Variants in PNPLA6 observed in about 807,000 individuals in gnomAD.
PNPLA6 encodes patatin-like phospholipase domain-containing protein 6.
PNPLA6 carries 105 observed loss-of-function variants against 153.7 expected under a neutral mutation model. The observed-to-expected ratio is 0.68, with a 90% CI of 0.58 to 0.80. PNPLA6 has a LOEUF of 0.80. Ranked by LOEUF, PNPLA6 falls within the 30% of genes least tolerant of loss-of-function variation. The pLI is 0.00. For synonymous variants in PNPLA6, 825 were observed against 822.2 expected, an observed-to-expected ratio of 1.00 and a Z score of -0.06; for missense variants, 1,423 against 1,919.3, an observed-to-expected ratio of 0.74 and a Z score of 4.83.
chr19:7,556,589 T>G lies in PNPLA6; in HGVS notation c.3210+20T>G, dbSNP rs45505598. The stretch of plus-strand genomic sequence containing the variant: ...ATTGAGGTAGGCCCACCTCATCCCC[T>G]GCCCTGCCTACCCCTCCCCGGAGGA... On this transcript the variant is annotated intron_variant, in intron 25 of 31. Coordinates refer to ENST00000600737, the MANE Select transcript of PNPLA6 (RefSeq NM_001166114.2). 217,592 of 1,585,000 alleles carry G rather than the reference T, an allele frequency of 0.14. 16,320 individuals carry two copies. The highest frequency in any genetic ancestry group is 0.24 in the African/African-American group (18,013 of 74,312).
Position 7,541,061 on chromosome 19 carries a change from C to A in PNPLA6, c.924+10C>A, listed in dbSNP as rs368958715. 7.5e-5 allele frequency: 120 copies of A among 1,606,516 alleles called. No individual in the cohort carries two copies. In the African/African-American group the frequency reaches 1.3e-3, roughly 18 times the overall value. ...GGTGCGGGTCGTGCAGGTCAGTGGG[C>A]CTTCGCCTCCTGTCACCCCCTGAGG... On this transcript the variant is annotated intron_variant, in intron 7 of 31. Transcript: ENST00000600737. This position sits in a 1 kb window ranked among gnomAD's most constrained non-coding sequence, Gnocchi z 5.2.
chr19:7,535,735 C>A lies in PNPLA6; in HGVS notation c.-54C>A, dbSNP rs1363624721. 7 of 1,519,122 alleles carry A rather than the reference C, an allele frequency of 4.6e-6. No homozygotes were observed. Among genetic ancestry groups the A allele is most frequent in the Non-Finnish European group, 6.2e-6 (7 of 1,133,458 alleles). 94.1% of individuals were successfully genotyped at this position (1,519,122 alleles called of 1,614,324 possible). A position where few individuals can be genotyped will look rare whatever the true frequency, so the allele number is the denominator to read the frequency against. On this transcript the variant is annotated 5_prime_UTR_variant, in exon 1 of 32. Transcript: ENST00000600737. The surrounding 1 kb of genome is among the most constrained non-coding windows in gnomAD (Gnocchi z 5.0). ...CCGGCATGCACTGCGGGCCGCCGGGCCTCAGGGAAGAGTCGCGCCCCCGGG... is the reference window on the plus strand; with the variant it reads ...CCGGCATGCACTGCGGGCCGCCGGGACTCAGGGAAGAGTCGCGCCCCCGGG...
chr19:7,541,806 T>C lies in PNPLA6; in HGVS notation c.1168+122T>C, dbSNP rs1006338345. Reference sequence around the variant, plus strand: ...CTTGTCCAGCCCCACAGGGACTCCATAGCGGGGTACCCAGGTCTGACTCCT... The same window carrying C: ...CTTGTCCAGCCCCACAGGGACTCCACAGCGGGGTACCCAGGTCTGACTCCT... On this transcript the variant is annotated intron_variant, in intron 9 of 31. Coordinates refer to ENST00000600737, the MANE Select transcript of PNPLA6 (RefSeq NM_001166114.2). This position sits in a 1 kb window ranked among gnomAD's most constrained non-coding sequence, Gnocchi z 5.2. The C allele has an allele frequency of 5.7e-6, 7 of 1,218,652 alleles. No homozygotes were observed. The highest frequency in any genetic ancestry group is 7.0e-6 in the Non-Finnish European group (6 of 858,292). 75.5% of individuals were successfully genotyped at this position (1,218,652 alleles called of 1,614,324 possible).
At chr19:7,554,428 G>A (rs1380192596) in intron 20 of PNPLA6, 127 bp from the exon 21 acceptor site, 21 of 1,279,568 alleles carry the variant, frequency 1.6e-5, no homozygotes, top group Non-Finnish European at 2.0e-5. Context: ...TCTGCCCACC[G>A]GAGCACGGAC....
At chr19:7,560,788 C>A in intron 29 of PNPLA6, 24 bp downstream of exon 29, 1 of 1,398,344 alleles carries the variant, frequency 7.2e-7, no homozygotes, top group Non-Finnish European at 1.0e-6. Context: ...GCCCCCAGGG[C>A]CACTCTGACT....
intron 3 of PNPLA6, among the ~76,000 whole-genome samples, chr19:7,537,220 C>A (rs186873057): frequency 6.6e-6 from 1 of 152,194 alleles, no homozygotes; most frequent in African/African-American, 2.4e-5. Flanking sequence ...GGTTTTCTTC[C>A]AGGGTACCTC....
rs1318656059 is a variant in PNPLA6, at chr19:7,561,688, A to G, written c.*126A>G. On this transcript the variant is annotated 3_prime_UTR_variant, in exon 32 of 32. Transcript: ENST00000600737. ...CCCCCGCGGCCCACACACTGGACTG[A>G]CCTGCCCTGAGCGGGGATGCAGTGT... The G allele has an allele frequency of 2.7e-6, 2 of 728,142 alleles. No individual in the cohort carries two copies. Among genetic ancestry groups the G allele is most frequent in the Admixed American group, 4.0e-5 (2 of 50,024 alleles). 45.1% of individuals were successfully genotyped at this position (728,142 alleles called of 1,614,324 possible).
At chr19:7,546,934 TC>T (rs1432557659) in intron 13 of PNPLA6, among the ~76,000 whole-genome samples, 1 of 151,642 alleles carries the variant, frequency 6.6e-6, no homozygotes, top group Non-Finnish European at 1.5e-5. Flanking sequence ...AGAGGGAGTC[TC>T]GCTATGTCGC....
intron 18 of PNPLA6, 112 bp from the exon 19 acceptor site, chr19:7,553,763 G>A: frequency 7.1e-7 from 1 of 1,404,242 alleles, no homozygotes; most frequent in Non-Finnish European, 1.0e-6. Context: ...CAGTCTGGGA[G>A]CACAGGAGCA....
At chr19:7,542,099 T>C in intron 10 of PNPLA6, 32 bp downstream of exon 10, 7 of 1,570,340 alleles carry the variant, frequency 4.5e-6, no homozygotes, top group Non-Finnish European at 6.1e-6. Context: ...GGGAGGGCCA[T>C]GGAGCTTCCA....
chr19:7,540,127 T>C lies in PNPLA6; in HGVS notation c.555-22T>C, dbSNP rs780897059. 4 of 1,613,192 alleles carry C rather than the reference T, an allele frequency of 2.5e-6. No homozygotes were observed. The highest frequency in any genetic ancestry group is 2.5e-6 in the Non-Finnish European group (3 of 1,179,996). The stretch of plus-strand genomic sequence containing the variant: ...GGGCCGCCCTGACCTCCAGCCTCTG[T>C]CGCCCACCGCCTGTCCAACAGGGTG... On this transcript the variant is annotated intron_variant, in intron 4 of 31. Coordinates refer to ENST00000600737, the MANE Select transcript of PNPLA6 (RefSeq NM_001166114.2). This position sits in a 1 kb window ranked among gnomAD's most constrained non-coding sequence, Gnocchi z 6.8.
rs757106352 is a variant in PNPLA6 at position 7,535,992 on chromosome 19, C to T, written c.204C>T (p.Leu68=). Residue 68 remains leucine (L), a synonymous_variant, in exon 1 of 32, where the codon CTC becomes CTT. Transcript: ENST00000600737. This position sits in a 1 kb window ranked among gnomAD's most constrained non-coding sequence, Gnocchi z 5.0. ...VAVVVTAVLI[L]LVVRRLRVPK... is the part of the protein sequence containing the mutation. ...TGGTGGTCACGGCCGTGCTCATCCT[C>T]CTGGTGGTGCGGAGGCTGCGAGTGC... 1.1e-5 allele frequency: 17 copies of T among 1,579,636 alleles called. 1 individual carries two copies. The South Asian group carries it at 1.8e-4, about 17-fold the overall frequency.
At chr19:7,537,831 G>A (rs1038353765) in intron 3 of PNPLA6, among the ~76,000 whole-genome samples, 107 of 152,040 alleles carry the variant, frequency 7.0e-4, no homozygotes, top group African/African-American at 2.1e-3. Flanking sequence ...TAGTAGAGAC[G>A]GGGTTTCACC....
At chr19:7,549,032 G>T (rs1181484943) in intron 13 of PNPLA6, among the ~76,000 whole-genome samples, 1 of 151,026 alleles carries the variant, frequency 6.6e-6, no homozygotes, top group East Asian at 1.9e-4. Context: ...TCGATCTCCT[G>T]ACCTCGTGAT....
Position 7,561,204 on chromosome 19 carries a change from C to A in PNPLA6, c.3914-4C>A. The stretch of plus-strand genomic sequence containing the variant: ...CTCACCTGTGCCCTGCTCCCCGATT[C>A]CAGGAGAGGAGTCAGATTGTCTGAC... On this transcript the variant is annotated splice_region_variant and splice_polypyrimidine_tract_variant and intron_variant, in intron 30 of 31. Transcript: ENST00000600737. The A allele has an allele frequency of 6.2e-7, 1 of 1,605,450 alleles. No homozygotes were observed. Among genetic ancestry groups the A allele is most frequent in the Non-Finnish European group, 8.5e-7 (1 of 1,175,824 alleles).
At position 7,540,883 on chromosome 19, in the gene PNPLA6, C is replaced by A; in HGVS notation, c.796-40C>A. On this transcript the variant is annotated intron_variant, in intron 6 of 31. Transcript: ENST00000600737. The surrounding 1 kb of genome is among the most constrained non-coding windows in gnomAD (Gnocchi z 6.8). ...GGGGAGTAGCGAGGGGGACTCGCAG[C>A]CTCTGCCCTTGTCTCTCTTCACGCC... is the stretch of plus-strand genomic sequence containing the variant. The A allele has an allele frequency of 6.2e-7, 1 of 1,612,666 alleles. No individual in the cohort carries two copies. The highest frequency in any genetic ancestry group is 8.5e-7 in the Non-Finnish European group (1 of 1,179,714).
At chr19:7,535,685 G>T (rs1197379279), upstream of PNPLA6, 1 of 1,528,506 alleles carries the variant, frequency 6.5e-7, no homozygotes, top group African/African-American at 1.4e-5. The surrounding 1 kb of genome is among the most constrained non-coding windows in gnomAD (Gnocchi z 5.0). Flanking sequence ...AACGCGCTGC[G>T]TCCGCTCGGG....
At chr19:7,549,842 T>G (rs908411658) in intron 13 of PNPLA6, 65 bp from the exon 14 acceptor site, 85 of 1,487,214 alleles carry the variant, frequency 5.7e-5, no homozygotes, top group Middle Eastern at 5.2e-4. Flanking sequence ...TGTGGGGGCA[T>G]GTTGACCTGA....
In PNPLA6 at chr19:7,552,712, G is replaced by A. The variant is rs1488712424; in HGVS notation, c.2261-1163G>A. On this transcript the variant is annotated intron_variant, in intron 18 of 31. Transcript: ENST00000600737. ...AGAGGTTGCAGTGAGCCGAGCCTAC[G>A]CCATTGCACTCCAGCCTGGGCAACC... is the stretch of plus-strand genomic sequence containing the variant. Among the ~76,000 whole-genome samples, 11 of 138,000 alleles carry A rather than the reference G, an allele frequency of 8.0e-5. 1 individual carries two copies. The highest frequency in any genetic ancestry group is 1.7e-4 in the Non-Finnish European group (11 of 66,234). The allele number at this position is 138,000 out of a possible 152,430, so 90.5% of individuals were successfully genotyped here. A position where few individuals can be genotyped will look rare whatever the true frequency, so the allele number is the denominator to read the frequency against.
Sources: gnomAD v4.1 joint callset for allele counts (sites outside exome capture counted in the v4.1 genomes callset) on GRCh38, gnomAD v4.1.1 for gene constraint, Gnocchi (gnomAD v3.1) non-coding constraint, MANE v1.5 for transcripts, NCBI Gene and HGNC (gene_info 2026-07-23, HGNC 2026-07-21) for gene names.